Variants in ZNF385D observed in about 807,000 individuals in gnomAD.
The protein encoded by ZNF385D is zinc finger protein 659.
In ZNF385D, 15 loss-of-function variants were observed where a neutral mutation model predicts 35.8. The ratio of observed to expected loss-of-function variants is 0.42; its 90% confidence interval spans 0.28 to 0.64. The LOEUF (loss-of-function observed/expected upper bound fraction) is 0.64, where lower values mean the gene tolerates loss of function less well. Ranked by LOEUF, ZNF385D falls within the 30% of genes least tolerant of loss-of-function variation. The probability of loss-of-function intolerance (pLI) is 0.23; values close to 1 mark genes in which losing one functional copy is unlikely to be tolerated. For missense variants in ZNF385D, 474 were observed against 494.6 expected (o/e 0.96, Z 0.39); for synonymous variants, 212 against 186.8 (o/e 1.13, Z -1.10).
chr3:21,865,045 CTTTTTTTTTTTTTTTTTTT>C (rs3073907), intron 3 of ZNF385D, among the ~76,000 whole-genome samples: 3 of 21,186 alleles, frequency 1.4e-4, no homozygotes, highest in Non-Finnish European at 2.3e-4. Context: ...ACAGGGAAGA[CTTTTTTTTTTTTTTTTTTT>C]TTTTTTTTTT....
At chr3:21,801,354 G>C (rs2072390946) in intron 3 of ZNF385D, among the ~76,000 whole-genome samples, 2 of 152,138 alleles carry the variant, frequency 1.3e-5, no homozygotes, top group African/African-American at 4.8e-5. Flanking sequence ...GTTAGGAAGT[G>C]TTAGCTCCTC....
rs548345369 is a variant in ZNF385D at position 22,009,225 on chromosome 3, G to A, written c.325+159592C>T. Among the ~76,000 whole-genome samples the A allele has an allele frequency of 3.8e-4, 58 of 152,218 alleles. No homozygotes were observed. The East Asian group carries it at 9.2e-3, about 24-fold the overall frequency. ...GTGTAAAAAATGTGATTCCAGTAAT[G>A]TTTGAAACAGAGAAAAATTGTAATG... On this transcript the variant is annotated intron_variant, in intron 3 of 5. Coordinates refer to the ZNF385D transcript ENST00000494108.
chr3:21,699,093 G>T (rs1201536467), intron 1 of ZNF385D, among the ~76,000 whole-genome samples: 1 of 152,248 alleles, frequency 6.6e-6, no homozygotes, highest in Non-Finnish European at 1.5e-5. Context: ...CAACCCAAAT[G>T]TCCATCAATG....
rs377294248 is a variant in ZNF385D, at chr3:21,487,781, A to ACCTAACT, written c.439+23073_439+23079dup. On this transcript the variant is annotated intron_variant, in intron 4 of 7. Transcript: ENST00000281523. ...ATCAGATGTGTAACTTTGGGCAAGT[A>ACCTAACT]CCTAACTTCTGTGTTCCTTTGTATT... is the stretch of plus-strand genomic sequence containing the variant. Among the ~76,000 whole-genome samples, 284 of 152,224 alleles carry ACCTAACT rather than the reference A, an allele frequency of 1.9e-3. 1 individual carries two copies. Among genetic ancestry groups the ACCTAACT allele is most frequent in the African/African-American group, 6.6e-3 (273 of 41,558 alleles).
intron 3 of ZNF385D, among the ~76,000 whole-genome samples, chr3:22,015,170 G>T (rs1365702594): frequency 6.6e-6 from 1 of 152,100 alleles, no homozygotes; most frequent in Non-Finnish European, 1.5e-5. Context: ...ACAGAATTCA[G>T]TTTAAAGCAA....
chr3:22,052,971 C>G (rs1218415087), intron 3 of ZNF385D, among the ~76,000 whole-genome samples: 1 of 74,504 alleles, frequency 1.3e-5, no homozygotes, highest in Non-Finnish European at 2.6e-5. Flanking sequence ...TGCCCTGCCC[C>G]CAGAGGTGGA....
At position 21,557,790 on chromosome 3, in the gene ZNF385D, C is replaced by G. The variant is rs574093193; in HGVS notation, c.276+6784G>C. ...AATTCGTCTGTGAATCCATCTGGTC[C>G]TGGAATTTTTTTGATTGGTAGGCTA... On this transcript the variant is annotated intron_variant, in intron 3 of 7. Transcript: ENST00000281523. Among the ~76,000 whole-genome samples the G allele has an allele frequency of 2.6e-5, 4 of 152,220 alleles. No individual in the cohort carries two copies. In the South Asian group the frequency reaches 8.3e-4, roughly 32 times the overall value.
chr3:21,822,173 G>A (rs142884515), intron 3 of ZNF385D, among the ~76,000 whole-genome samples: 2,014 of 151,976 alleles, frequency 0.013, 49 homozygotes, highest in African/African-American at 0.047. Context: ...CTGGATTCAC[G>A]CCATTCTCAT....
chr3:22,204,448 G>GA (rs1302795124), intron 2 of ZNF385D, among the ~76,000 whole-genome samples: 3 of 151,970 alleles, frequency 2.0e-5, no homozygotes, highest in Admixed American at 1.3e-4. Context: ...TCAATGCCCA[G>GA]AAAGCAATGA....
At chr3:21,958,442 T>C (rs944785279) in intron 3 of ZNF385D, among the ~76,000 whole-genome samples, 6 of 152,130 alleles carry the variant, frequency 3.9e-5, no homozygotes, top group Non-Finnish European at 2.9e-5. Flanking sequence ...AGATCACTAT[T>C]AGAACTAAGT....
intron 1 of ZNF385D, among the ~76,000 whole-genome samples, chr3:21,680,492 A>C (rs1466036956): frequency 3.3e-5 from 5 of 152,154 alleles, no homozygotes; most frequent in Non-Finnish European, 7.4e-5. Flanking sequence ...GGTAGACCAC[A>C]ATTTGTTCTT....
Position 21,888,786 on chromosome 3 carries a change from G to A in ZNF385D, c.326-223758C>T, listed in dbSNP as rs184372072. On this transcript the variant is annotated intron_variant, in intron 3 of 5. Coordinates refer to the ZNF385D transcript ENST00000494108. ...ATTGATAACAAGAAAGATAGGTGGC[G>A]AGTTTTCCCAAAATGAGGTGCCTGT... Among the ~76,000 whole-genome samples the A allele has an allele frequency of 2.4e-3, 373 of 152,286 alleles. 2 individuals carry two copies. Among genetic ancestry groups the A allele is most frequent in the African/African-American group, 8.4e-3 (351 of 41,558 alleles).
At chr3:21,825,885 G>A (rs1158078118) in intron 3 of ZNF385D, among the ~76,000 whole-genome samples, 1 of 152,172 alleles carries the variant, frequency 6.6e-6, no homozygotes, top group East Asian at 1.9e-4. Flanking sequence ...TACGGCCTGA[G>A]CTCCGCTCCT....
chr3:22,278,133 T>C lies in ZNF385D; in HGVS notation c.106+94317A>G, dbSNP rs1270010821. Among the ~76,000 whole-genome samples, 5 of 152,238 alleles carry C rather than the reference T, an allele frequency of 3.3e-5. No homozygotes were observed. The East Asian group carries it at 9.7e-4, about 29-fold the overall frequency. On this transcript the variant is annotated intron_variant, in intron 2 of 5. Transcript: ENST00000494108. The stretch of plus-strand genomic sequence containing the variant: ...TTAGTTAGAACAGAACATGTTTTAT[T>C]CATGTTTACACCCAACATGGCCTAC...
intron 1 of ZNF385D, among the ~76,000 whole-genome samples, chr3:21,721,169 A>G (rs1221689412): frequency 2.6e-5 from 4 of 152,022 alleles, no homozygotes; most frequent in Non-Finnish European, 5.9e-5. Flanking sequence ...CCATTGCTAT[A>G]CTGGTTGTCT....
At chr3:21,899,988 A>T (rs1188669380) in intron 3 of ZNF385D, among the ~76,000 whole-genome samples, 2 of 152,190 alleles carry the variant, frequency 1.3e-5, no homozygotes, top group African/African-American at 4.8e-5. Context: ...GTTTAAGTTA[A>T]GTGGTTGGGC....
At chr3:21,678,858 A>G (rs2066810713) in intron 1 of ZNF385D, among the ~76,000 whole-genome samples, 1 of 152,110 alleles carries the variant, frequency 6.6e-6, no homozygotes, top group Non-Finnish European at 1.5e-5. Context: ...TATCAGTGTC[A>G]TTATGACCTT....
At chr3:22,043,018 G>A (rs1440123145) in intron 3 of ZNF385D, among the ~76,000 whole-genome samples, 2 of 152,114 alleles carry the variant, frequency 1.3e-5, no homozygotes, top group Non-Finnish European at 2.9e-5. Context: ...ATGTTTCAGA[G>A]CTTAACAAGG....
chr3:21,777,018 C>T (rs551880417), intron 3 of ZNF385D, among the ~76,000 whole-genome samples: 1 of 151,912 alleles, frequency 6.6e-6, no homozygotes, highest in African/African-American at 2.4e-5. Context: ...TCTCTTGGCC[C>T]CCAAACATGC....
Sources: gnomAD v4.1 joint callset for allele counts (sites outside exome capture counted in the v4.1 genomes callset) on GRCh38, gnomAD v4.1.1 for gene constraint, MANE v1.5 for transcripts, NCBI Gene and HGNC (gene_info 2026-07-23, HGNC 2026-07-21) for gene names.